The following GNAQ variants were observed in gnomAD, a reference collection of about 807,000 sequenced individuals.
The protein encoded by GNAQ is G protein subunit alpha q, also known as guanine nucleotide-binding protein G(q) subunit alpha.
Under a neutral mutation model 43.9 loss-of-function variants are expected in GNAQ, and 8 were observed. The ratio of observed to expected loss-of-function variants is 0.18; its 90% confidence interval spans 0.11 to 0.33. The LOEUF is 0.33. GNAQ is among the 10% of genes least tolerant of loss of function. The pLI, the probability that GNAQ is intolerant of heterozygous loss-of-function variation, is 1.00. For synonymous variants in GNAQ, 155 were observed against 170.7 expected (o/e 0.91, Z 0.71); for missense variants, 158 against 450.8 (o/e 0.35, Z 5.88).
intron 2 of GNAQ, among the ~76,000 whole-genome samples, chr9:77,830,085 T>C (rs1340928241): frequency 1.3e-5 from 2 of 152,176 alleles, no homozygotes; most frequent in Non-Finnish European, 1.5e-5. Flanking sequence ...TTCAAGTAGC[T>C]GGGACTACAA....
At chr9:77,823,227 C>T (rs528418669) in intron 2 of GNAQ, among the ~76,000 whole-genome samples, 1 of 152,240 alleles carries the variant, frequency 6.6e-6, no homozygotes, top group Admixed American at 6.5e-5. Context: ...GCGTGAGCCA[C>T]CACGCCTGGC....
chr9:77,807,257 T>G (rs1214671209), intron 3 of GNAQ, among the ~76,000 whole-genome samples: 1 of 152,174 alleles, frequency 6.6e-6, no homozygotes, highest in Non-Finnish European at 1.5e-5. Context: ...ACAGCAAGAT[T>G]CTTTGGCTCT....
At chr9:78,019,791 G>T (rs1823884271) in intron 1 of GNAQ, among the ~76,000 whole-genome samples, 1 of 151,962 alleles carries the variant, frequency 6.6e-6, no homozygotes, top group African/African-American at 2.4e-5. Flanking sequence ...AGGCATGGTG[G>T]CAGGCGCCTG....
intron 2 of GNAQ, among the ~76,000 whole-genome samples, chr9:77,826,990 T>C (rs929385912): frequency 1.3e-5 from 2 of 152,204 alleles, no homozygotes; most frequent in East Asian, 3.9e-4. Flanking sequence ...TGTAGCACTA[T>C]CAGTTTTATA....
At chr9:77,946,014 AAGTG>A (rs1822889486) in intron 1 of GNAQ, among the ~76,000 whole-genome samples, 1 of 152,174 alleles carries the variant, frequency 6.6e-6, no homozygotes, top group Admixed American at 6.6e-5. Flanking sequence ...TTGCTACTTT[AAGTG>A]GAGGACGAGA....
At chr9:78,015,052 T>C (rs75170715) in intron 1 of GNAQ, among the ~76,000 whole-genome samples, 9,153 of 152,272 alleles carry the variant, frequency 0.06, 312 homozygotes, top group African/African-American at 0.066. Flanking sequence ...CACTCACCAC[T>C]CACTGACACC....
chr9:77,779,971 CTCT>C (rs1484869452), intron 5 of GNAQ, among the ~76,000 whole-genome samples: 1 of 151,884 alleles, frequency 6.6e-6, no homozygotes, highest in African/African-American at 2.4e-5. Flanking sequence ...CACTGGTGAT[CTCT>C]TTTTTTCTAT....
At position 77,739,475 on chromosome 9, in the gene GNAQ, C is replaced by T. The variant is rs150354266; in HGVS notation, c.736-10808G>A. 1.8e-3 allele frequency among the ~76,000 whole-genome samples: 272 copies of T among 152,260 alleles called. 2 individuals are homozygous for T. The highest frequency in any genetic ancestry group is 6.3e-3 in the African/African-American group (263 of 41,546). On this transcript the variant is annotated intron_variant, in intron 5 of 6. Transcript: ENST00000286548. Reference sequence around the variant, plus strand: ...ATTTTAATGTTTCTTACTAACTTGTCATTTTGAATTTTGAGTGTTTCAAAG... The same window carrying T: ...ATTTTAATGTTTCTTACTAACTTGTTATTTTGAATTTTGAGTGTTTCAAAG...
At chr9:77,762,334 C>G in intron 5 of GNAQ, among the ~76,000 whole-genome samples, 1 of 145,968 alleles carries the variant, frequency 6.9e-6, no homozygotes, top group Non-Finnish European at 1.5e-5. Flanking sequence ...GCCGCCCCAC[C>G]TGGGAGGTGA....
intron 1 of GNAQ, among the ~76,000 whole-genome samples, chr9:77,931,515 C>T (rs1354921236): frequency 2.6e-5 from 4 of 151,750 alleles, no homozygotes; most frequent in Admixed American, 6.6e-5. Context: ...GGCGTGAGCC[C>T]CGGAGACGTA....
chr9:77,877,126 G>A (rs1215141733), intron 2 of GNAQ, among the ~76,000 whole-genome samples: 1 of 152,114 alleles, frequency 6.6e-6, no homozygotes, highest in African/African-American at 2.4e-5. Flanking sequence ...AAAGTCCTAC[G>A]AATGAATGGG....
chr9:77,958,370 G>GA (rs952184971), intron 1 of GNAQ, among the ~76,000 whole-genome samples: 11 of 145,516 alleles, frequency 7.6e-5, no homozygotes, highest in African/African-American at 1.8e-4. Flanking sequence ...GACCAGAAAA[G>GA]AAAAAAAAAA....
rs1825298904 is a variant in GNAQ, at chr9:77,720,834, A to C, written c.*489T>G. The C allele has an allele frequency of 8.6e-6, 2 of 233,862 alleles. No homozygotes were observed. The highest frequency in any genetic ancestry group is 1.7e-5 in the Non-Finnish European group (2 of 118,322). 14.5% of individuals were successfully genotyped at this position (233,862 alleles called of 1,614,324 possible). A position where few individuals can be genotyped will look rare whatever the true frequency, so the allele number is the denominator to read the frequency against. ...CTTAAATTAAGCTGATGATGGCTTA[A>C]ATCGAACGATGTGTCCTGACTGTAT... On this transcript the variant is annotated 3_prime_UTR_variant, in exon 7 of 7. Coordinates refer to ENST00000286548, the MANE Select transcript of GNAQ (RefSeq NM_002072.5).
At chr9:77,780,053 T>C (rs1826369968) in intron 5 of GNAQ, among the ~76,000 whole-genome samples, 1 of 151,924 alleles carries the variant, frequency 6.6e-6, no homozygotes, top group Non-Finnish European at 1.5e-5. Context: ...TATAGCAATA[T>C]GTATAATGCA....
chr9:77,968,248 C>A (rs2118446755), intron 1 of GNAQ, among the ~76,000 whole-genome samples: 1 of 151,928 alleles, frequency 6.6e-6, no homozygotes, highest in East Asian at 1.9e-4. Flanking sequence ...GGTAGAAAGG[C>A]AGAAACAAAA....
At chr9:77,802,007 A>C (rs990610450) in intron 3 of GNAQ, among the ~76,000 whole-genome samples, 1 of 152,026 alleles carries the variant, frequency 6.6e-6, no homozygotes, top group Non-Finnish European at 1.5e-5. Context: ...TCTCTACTAA[A>C]AATACAAAAA....
chr9:77,996,410 T>C (rs1587452328), intron 1 of GNAQ, among the ~76,000 whole-genome samples: 1 of 152,102 alleles, frequency 6.6e-6, no homozygotes, highest in African/African-American at 2.4e-5. Context: ...CTAGGCGCGG[T>C]GGCTCACGCC....
chr9:77,851,043 T>C (rs12350347), intron 2 of GNAQ, among the ~76,000 whole-genome samples: 3,592 of 152,116 alleles, frequency 0.024, 121 homozygotes, highest in African/African-American at 0.075. Flanking sequence ...AAAAAAGATG[T>C]CACCCATCCC....
At chr9:77,809,690 C>G (rs1322070203) in intron 3 of GNAQ, among the ~76,000 whole-genome samples, 2 of 152,212 alleles carry the variant, frequency 1.3e-5, no homozygotes, top group Non-Finnish European at 2.9e-5. Flanking sequence ...TATCCATTAT[C>G]TGGAATTTCC....
Sources: gnomAD v4.1 joint callset for allele counts (sites outside exome capture counted in the v4.1 genomes callset) on GRCh38, gnomAD v4.1.1 for gene constraint, MANE v1.5 for transcripts, NCBI Gene and HGNC (gene_info 2026-07-23, HGNC 2026-07-21) for gene names.